PTPRD: variants seen among roughly 807,000 people sequenced by gnomAD.
PTPRD encodes the protein protein tyrosine phosphatase receptor type D, also known as receptor-type tyrosine-protein phosphatase delta.
A neutral mutation model predicts 214.5 loss-of-function variants in PTPRD; 34 were observed. The observed-to-expected ratio is 0.16, with a 90% CI of 0.12 to 0.21. The LOEUF is 0.21. Among genes scored for constraint, PTPRD ranks in the 10% least tolerant of loss-of-function variants. The pLI, the probability that PTPRD is intolerant of heterozygous loss-of-function variation, is 1.00. For missense variants in PTPRD, 2,545 were observed against 2,398.7 expected, an observed-to-expected ratio of 1.06 and a Z score of -1.27; for synonymous variants, 1,128 against 845.7, an observed-to-expected ratio of 1.33 and a Z score of -5.79.
chr9:9,053,771 G>A (rs1450385543), intron 10 of PTPRD, among the ~76,000 whole-genome samples: 1 of 152,102 alleles, frequency 6.6e-6, no homozygotes, highest in African/African-American at 2.4e-5. Flanking sequence ...AAAATTGGAT[G>A]TTATTGAAAA....
At chr9:9,757,355 C>G (rs560088731) in intron 6 of PTPRD, among the ~76,000 whole-genome samples, 118 of 152,116 alleles carry the variant, frequency 7.8e-4, no homozygotes, top group Non-Finnish European at 1.6e-3. Flanking sequence ...ACATTGGCAT[C>G]TGCAATTTTT....
At chr9:10,363,958 T>C (rs2097448887) in intron 2 of PTPRD, among the ~76,000 whole-genome samples, 1 of 151,276 alleles carries the variant, frequency 6.6e-6, no homozygotes, top group Non-Finnish European at 1.5e-5. Flanking sequence ...TCCCAATCAA[T>C]ATGTACTATT....
intron 7 of PTPRD, among the ~76,000 whole-genome samples, chr9:9,725,539 G>C (rs968466394): frequency 6.6e-6 from 1 of 152,080 alleles, no homozygotes; most frequent in African/African-American, 2.4e-5. Flanking sequence ...CTTTATCTGA[G>C]CACTTCCTCT....
intron 14 of PTPRD, among the ~76,000 whole-genome samples, chr9:8,631,034 T>C (rs1232233095): frequency 6.6e-6 from 1 of 151,922 alleles, no homozygotes; most frequent in African/African-American, 2.4e-5. Flanking sequence ...GGTAAATAAA[T>C]GGAGATTAAA....
rs546186195 is a variant in PTPRD, at chr9:9,271,583, A to G, written c.-202-88220T>C. Among the ~76,000 whole-genome samples the G allele has an allele frequency of 1.6e-4, 25 of 151,556 alleles. No individual in the cohort carries two copies. In the South Asian group the frequency reaches 4.6e-3, roughly 28 times the overall value. On this transcript the variant is annotated intron_variant, in intron 9 of 45. Transcript: ENST00000381196. ...TGAAGCAAAATACACTAATTAAATT[A>G]TTAAAATCTGGATAGCAAGTAGTAG...
At chr9:10,349,823 G>T (rs1200175795) in intron 2 of PTPRD, among the ~76,000 whole-genome samples, 1 of 152,042 alleles carries the variant, frequency 6.6e-6, no homozygotes, top group African/African-American at 2.4e-5. Flanking sequence ...ACCATCCCCA[G>T]CTAATTTTTT....
chr9:8,862,836 G>A (rs1338385302), intron 11 of PTPRD, among the ~76,000 whole-genome samples: 3 of 151,572 alleles, frequency 2.0e-5, no homozygotes, highest in South Asian at 2.1e-4. Context: ...AGCAAACACC[G>A]CATATTCTCA....
chr9:9,276,595 G>C (rs887800972), intron 9 of PTPRD, among the ~76,000 whole-genome samples: 6 of 151,288 alleles, frequency 4.0e-5, no homozygotes, highest in Admixed American at 4.0e-4. Flanking sequence ...ACCTCCATGA[G>C]AGCACATGCT....
At chr9:8,989,135 T>C (rs1356900884) in intron 11 of PTPRD, among the ~76,000 whole-genome samples, 4 of 152,090 alleles carry the variant, frequency 2.6e-5, no homozygotes, top group Non-Finnish European at 5.9e-5. Context: ...TGTGATATTT[T>C]GATACCTGTA....
At chr9:8,538,722 A>G (rs1470528157) in intron 14 of PTPRD, among the ~76,000 whole-genome samples, 7 of 151,774 alleles carry the variant, frequency 4.6e-5, no homozygotes, top group African/African-American at 1.7e-4. Context: ...GCACAAACAT[A>G]CATTCTTTAT....
chr9:8,533,027 T>C (rs2139767604), intron 14 of PTPRD, among the ~76,000 whole-genome samples: 1 of 152,176 alleles, frequency 6.6e-6, no homozygotes, highest in African/African-American at 2.4e-5. Flanking sequence ...TCTGACACTG[T>C]TTTGTAGGTA....
intron 5 of PTPRD, among the ~76,000 whole-genome samples, chr9:9,773,302 A>G (rs980010312): frequency 2.0e-5 from 3 of 152,146 alleles, no homozygotes; most frequent in Non-Finnish European, 4.4e-5. Flanking sequence ...GTTTTTCAGC[A>G]CAGTTCTCCA....
At chr9:8,717,641 G>T (rs958640161) in intron 12 of PTPRD, among the ~76,000 whole-genome samples, 1 of 152,150 alleles carries the variant, frequency 6.6e-6, no homozygotes, top group Non-Finnish European at 1.5e-5. Flanking sequence ...AGAATAAACT[G>T]AGGGGCATTT....
chr9:9,819,160 A>G (rs1284755005), intron 5 of PTPRD, among the ~76,000 whole-genome samples: 2 of 152,114 alleles, frequency 1.3e-5, no homozygotes, highest in Non-Finnish European at 2.9e-5. Context: ...ATTGGTAAGG[A>G]ACACTGACTT....
intron 14 of PTPRD, among the ~76,000 whole-genome samples, chr9:8,611,079 A>G (rs977946244): frequency 3.3e-5 from 5 of 152,250 alleles, no homozygotes; most frequent in African/African-American, 1.2e-4. Flanking sequence ...TGATGAAAAA[A>G]TAACATATCC....
chr9:10,074,312 T>C (rs1324459055), intron 3 of PTPRD, among the ~76,000 whole-genome samples: 1 of 152,060 alleles, frequency 6.6e-6, no homozygotes, highest in Admixed American at 6.6e-5. Flanking sequence ...TCCACAGCAA[T>C]GCAAAATAGC....
intron 35 of PTPRD, among the ~76,000 whole-genome samples, chr9:8,435,730 C>T (rs1206518329): frequency 1.3e-5 from 2 of 149,750 alleles, no homozygotes; most frequent in African/African-American, 2.5e-5. Flanking sequence ...CACACACACA[C>T]GCACGCACGT....
At chr9:8,891,294 T>C (rs180688628) in intron 11 of PTPRD, among the ~76,000 whole-genome samples, 2 of 151,760 alleles carry the variant, frequency 1.3e-5, no homozygotes, top group African/African-American at 2.4e-5. Context: ...CCACCACGCC[T>C]GGCTAATTTT....
intron 8 of PTPRD, among the ~76,000 whole-genome samples, chr9:9,460,665 A>G (rs1352885073): frequency 6.6e-6 from 1 of 151,998 alleles, no homozygotes; most frequent in African/African-American, 2.4e-5. Context: ...ATTAAAAAGT[A>G]AAAAATAGCA....
Sources: gnomAD v4.1 joint callset for allele counts (sites outside exome capture counted in the v4.1 genomes callset) on GRCh38, gnomAD v4.1.1 for gene constraint, MANE v1.5 for transcripts, NCBI Gene and HGNC (gene_info 2026-07-23, HGNC 2026-07-21) for gene names.